Variants in SKIC2 observed in about 807,000 individuals in gnomAD.
The protein encoded by SKIC2 is SKI2 subunit of superkiller complex, also known as superkiller complex protein 2.
the SKIC2 span, chr6:31,961,661 C>A: frequency 1.2e-6 from 2 of 1,612,496 alleles, no homozygotes; most frequent in Admixed American, 1.7e-5. Flanking sequence ...CCTCATTCCC[C>A]AGCCAGCCTT....
At chr6:31,969,280 G>A in the SKIC2 span, 1 of 1,614,150 alleles carries the variant, frequency 6.2e-7, no homozygotes, top group Admixed American at 1.7e-5. The surrounding 1 kb of genome is among the most constrained non-coding windows in gnomAD (Gnocchi z 6.1). Context: ...TTTCCTGCAG[G>A]GAATAGAACG....
the SKIC2 span, chr6:31,967,682 C>T: frequency 4.5e-5 from 72 of 1,608,204 alleles, 1 homozygote; most frequent in Admixed American, 1.3e-4. This position sits in a 1 kb window ranked among gnomAD's most constrained non-coding sequence, Gnocchi z 4.9. Context: ...ACTCATCACA[C>T]CCCCCTCTCC....
the SKIC2 span, chr6:31,962,428 T>G: frequency 1.2e-6 from 2 of 1,613,624 alleles, no homozygotes; most frequent in Admixed American, 1.7e-5. The surrounding 1 kb of genome is among the most constrained non-coding windows in gnomAD (Gnocchi z 5.0). Context: ...AACTTCATGC[T>G]CTCTTCCCAG....
the SKIC2 span, chr6:31,969,093 G>C: frequency 6.2e-7 from 1 of 1,609,010 alleles, no homozygotes; most frequent in South Asian, 1.1e-5. This position sits in a 1 kb window ranked among gnomAD's most constrained non-coding sequence, Gnocchi z 6.1. Context: ...CAAGCAGGTA[G>C]GGGACACCAC....
the SKIC2 span, chr6:31,959,825 A>C: frequency 3.1e-4 from 188 of 599,742 alleles, no homozygotes; most frequent in African/African-American, 2.0e-3. Context: ...TCCAGCCTCC[A>C]TGTTTCTGAA....
chr6:31,959,803 C>T, the SKIC2 span: 14 of 577,288 alleles, frequency 2.4e-5, no homozygotes, highest in Admixed American at 6.3e-5. Context: ...TTTAAAAATG[C>T]ACATTCCTAG....
the SKIC2 span, among the ~76,000 whole-genome samples, chr6:31,965,412 A>C: frequency 6.8e-4 from 103 of 152,320 alleles, no homozygotes; most frequent in African/African-American, 2.5e-3. This position sits in a 1 kb window ranked among gnomAD's most constrained non-coding sequence, Gnocchi z 5.6. Context: ...GGAGAAAAAG[A>C]AGCAAAAAAA....
the SKIC2 span, chr6:31,969,736 A>G: frequency 2.5e-6 from 4 of 1,583,042 alleles, no homozygotes; most frequent in Non-Finnish European, 1.7e-6. The surrounding 1 kb of genome is among the most constrained non-coding windows in gnomAD (Gnocchi z 6.1). Flanking sequence ...TAAAAACATG[A>G]TGATAAAACA....
At chr6:31,959,184 G>C in the SKIC2 span, 2 of 1,609,952 alleles carry the variant, frequency 1.2e-6, no homozygotes, top group South Asian at 2.2e-5. Flanking sequence ...CAGCTGCTGT[G>C]GCTCCAGGAT....
At chr6:31,964,043 C>T in the SKIC2 span, 2 of 1,612,618 alleles carry the variant, frequency 1.2e-6, no homozygotes, top group East Asian at 2.2e-5. The surrounding 1 kb of genome is among the most constrained non-coding windows in gnomAD (Gnocchi z 5.0). Context: ...GACCTCACCA[C>T]CAGTTCGGAG....
the SKIC2 span, chr6:31,966,711 G>A: frequency 6.2e-7 from 1 of 1,614,108 alleles, no homozygotes; most frequent in East Asian, 2.2e-5. The surrounding 1 kb of genome is among the most constrained non-coding windows in gnomAD (Gnocchi z 5.9). Flanking sequence ...GACTCCAGGG[G>A]AAGCCGTCCC....
chr6:31,959,409 C>G, the SKIC2 span: 2 of 1,593,088 alleles, frequency 1.3e-6, no homozygotes, highest in Non-Finnish European at 1.7e-6. Flanking sequence ...GCGTGAGTGA[C>G]TTTTGACCCT....
At chr6:31,963,128 G>C in the SKIC2 span, 2 of 1,374,844 alleles carry the variant, frequency 1.5e-6, no homozygotes, top group East Asian at 2.3e-5. This position sits in a 1 kb window ranked among gnomAD's most constrained non-coding sequence, Gnocchi z 5.3. Flanking sequence ...GGTGAAGGGG[G>C]CTACAGTACT....
At chr6:31,959,549 A>C in the SKIC2 span, 3 of 649,420 alleles carry the variant, frequency 4.6e-6, no homozygotes, top group Non-Finnish European at 8.3e-6. Flanking sequence ...ATTACAGCCC[A>C]GTGTACCTGC....
the SKIC2 span, chr6:31,960,910 T>C: frequency 1.1e-6 from 1 of 895,808 alleles, no homozygotes; most frequent in Non-Finnish European, 1.8e-6. Context: ...CTGTCATCTG[T>C]TGGGAAAGTG....
At chr6:31,959,446 C>T in the SKIC2 span, 2 of 1,209,930 alleles carry the variant, frequency 1.7e-6, no homozygotes, top group Admixed American at 1.7e-5. Flanking sequence ...TGAGTCCAAA[C>T]CTCCTTCACC....
the SKIC2 span, chr6:31,965,915 G>A: frequency 6.2e-7 from 1 of 1,613,100 alleles, no homozygotes; most frequent in African/African-American, 1.3e-5. The surrounding 1 kb of genome is among the most constrained non-coding windows in gnomAD (Gnocchi z 5.6). Flanking sequence ...GCAGATGGCA[G>A]GCCGGGCAGG....
the SKIC2 span, chr6:31,967,067 A>G: frequency 6.2e-7 from 1 of 1,612,980 alleles, no homozygotes. This position sits in a 1 kb window ranked among gnomAD's most constrained non-coding sequence, Gnocchi z 4.9. Context: ...GCCTGACATG[A>G]CTGGCCAACT....
At chr6:31,967,792 C>T in the SKIC2 span, 1 of 1,613,018 alleles carries the variant, frequency 6.2e-7, no homozygotes, top group Non-Finnish European at 8.5e-7. The surrounding 1 kb of genome is among the most constrained non-coding windows in gnomAD (Gnocchi z 4.9). Context: ...ACCCACAGGA[C>T]AGGGGGCCAG....
Sources: allele counts gnomAD v4.1 joint callset (sites outside exome capture counted in the v4.1 genomes callset), GRCh38; gene constraint gnomAD v4.1.1; non-coding constraint Gnocchi (gnomAD v3.1); transcripts MANE v1.5; gene names NCBI Gene and HGNC (gene_info 2026-07-23, HGNC 2026-07-21).